PCDH7: variants seen among roughly 807,000 people sequenced by gnomAD.
PCDH7 encodes protocadherin 7, also known as protocadherin-7.
PCDH7 carries 17 observed loss-of-function variants against 58.9 expected under a neutral mutation model. The observed-to-expected ratio is 0.29, with a 90% confidence interval of 0.20 to 0.43. The LOEUF (loss-of-function observed/expected upper bound fraction) is 0.43, where lower values mean the gene tolerates loss of function less well. Ranked by LOEUF, PCDH7 falls within the 20% of genes least tolerant of loss-of-function variation. PCDH7 has a pLI of 1.00. For missense variants in PCDH7, 1,274 were observed against 1,441.0 expected (o/e 0.88, Z 1.88); for synonymous variants, 664 against 616.4 (o/e 1.08, Z -1.14).
At chr4:31,081,835 C>T (rs1217529114) in intron 3 of PCDH7, among the ~76,000 whole-genome samples, 1 of 150,702 alleles carries the variant, frequency 6.6e-6, no homozygotes, top group East Asian at 2.0e-4. Flanking sequence ...TGCAGTGGCA[C>T]TATCTTGGCT....
chr4:30,846,217 G>T lies in PCDH7; in HGVS notation c.71-73936G>T, dbSNP rs1578025953. Among the ~76,000 whole-genome samples the T allele has an allele frequency of 2.0e-5, 3 of 152,132 alleles. No homozygotes were observed. In the East Asian group the frequency reaches 5.8e-4, roughly 29 times the overall value. ...TTTGAATGTGTCCCCAAAGTTCAATGCAACAGTGTTGATAGTTGAGGCCTT... is the reference window on the plus strand; with the variant it reads ...TTTGAATGTGTCCCCAAAGTTCAATTCAACAGTGTTGATAGTTGAGGCCTT... On this transcript the variant is annotated intron_variant, in intron 1 of 3. Coordinates refer to the PCDH7 transcript ENST00000509759.
intron 3 of PCDH7, among the ~76,000 whole-genome samples, chr4:31,122,727 C>G (rs898846664): frequency 2.0e-5 from 3 of 150,908 alleles, no homozygotes; most frequent in African/African-American, 7.3e-5. Flanking sequence ...TTTAATGTCC[C>G]TTTTTTTTAA....
intron 1 of PCDH7, among the ~76,000 whole-genome samples, chr4:30,801,598 ATTATC>A (rs980418654): frequency 1.6e-4 from 25 of 152,172 alleles, no homozygotes; most frequent in African/African-American, 6.0e-4. Flanking sequence ...TATTACACAA[ATTATC>A]TTATTTAATC....
chr4:30,723,689 C>T lies in PCDH7; in HGVS notation c.2267C>T (p.Ser756Leu). The T allele has an allele frequency of 1.2e-6, 2 of 1,614,108 alleles. No individual in the cohort carries two copies. The highest frequency in any genetic ancestry group is 1.7e-6 in the Non-Finnish European group (2 of 1,179,996). ...ATTTCCTACACTTTACTGCCACCTT[C>T]GAGTAATGTCAGGACAGTAGTAGCT... Residue 756 changes from serine to leucine, a missense_variant, in exon 1 of 2, where the codon TCG (serine) becomes TTG (leucine). Transcript: ENST00000361762. This position sits in a 1 kb window ranked among gnomAD's most constrained non-coding sequence, Gnocchi z 4.6.
At chr4:30,799,907 G>A (rs1051620576) in intron 1 of PCDH7, among the ~76,000 whole-genome samples, 4 of 150,788 alleles carry the variant, frequency 2.7e-5, no homozygotes, top group African/African-American at 7.3e-5. Context: ...AGGCTGGAGT[G>A]CAATGGCGCA....
chr4:31,020,489 A>G (rs1280888372), intron 3 of PCDH7, among the ~76,000 whole-genome samples: 1 of 152,202 alleles, frequency 6.6e-6, no homozygotes, highest in Non-Finnish European at 1.5e-5. Context: ...TAGGCGAATC[A>G]AGTTCTAATT....
chr4:30,870,043 AG>A (rs1735370075), intron 1 of PCDH7, among the ~76,000 whole-genome samples: 2 of 151,988 alleles, frequency 1.3e-5, no homozygotes, highest in African/African-American at 4.8e-5. Context: ...AGTTGTGATG[AG>A]CTTTTTTTCA....
intron 1 of PCDH7, among the ~76,000 whole-genome samples, chr4:30,782,874 G>A (rs1357251586): frequency 6.6e-6 from 1 of 152,132 alleles, no homozygotes; most frequent in Admixed American, 6.5e-5. Flanking sequence ...TCTCGAATGA[G>A]GGTCTTATGA....
At chr4:30,881,082 T>C (rs1338246066) in intron 1 of PCDH7, among the ~76,000 whole-genome samples, 1 of 152,122 alleles carries the variant, frequency 6.6e-6, no homozygotes, top group Non-Finnish European at 1.5e-5. Context: ...ATCAAATTTG[T>C]TGAACAGTAT....
At chr4:30,735,344 T>G (rs1182138525), downstream of PCDH7, among the ~76,000 whole-genome samples, 1 of 152,076 alleles carries the variant, frequency 6.6e-6, no homozygotes, top group East Asian at 1.9e-4. Context: ...CAAGCAGCCA[T>G]GTTTAAAGGT....
intron 1 of PCDH7, among the ~76,000 whole-genome samples, chr4:30,850,145 A>C (rs1316452473): frequency 6.6e-6 from 1 of 152,122 alleles, no homozygotes; most frequent in Non-Finnish European, 1.5e-5. Context: ...TTACAAGTAC[A>C]ACTGAATTAC....
At chr4:30,904,795 A>AC (rs1740704721) in intron 1 of PCDH7, among the ~76,000 whole-genome samples, 1 of 152,020 alleles carries the variant, frequency 6.6e-6, no homozygotes, top group African/African-American at 2.4e-5. Flanking sequence ...AGAGGAAATA[A>AC]GTTCACCTGT....
At chr4:30,932,836 C>A (rs1206314027) in intron 2 of PCDH7, among the ~76,000 whole-genome samples, 6 of 152,108 alleles carry the variant, frequency 3.9e-5, no homozygotes, top group African/African-American at 1.4e-4. Context: ...TTACAAGATC[C>A]TAATGTCAAA....
chr4:31,031,177 G>T (rs1204278565), intron 3 of PCDH7, among the ~76,000 whole-genome samples: 1 of 152,170 alleles, frequency 6.6e-6, no homozygotes, highest in Admixed American at 6.5e-5. Context: ...CATATAAAGT[G>T]ATTAAACAGT....
chr4:30,848,154 G>A (rs556636607), intron 1 of PCDH7, among the ~76,000 whole-genome samples: 1 of 152,148 alleles, frequency 6.6e-6, no homozygotes, highest in African/African-American at 2.4e-5. Context: ...TCCCTTCTCT[G>A]GACTAACTTC....
intron 1 of PCDH7, among the ~76,000 whole-genome samples, chr4:30,883,955 C>T (rs1381774162): frequency 6.6e-6 from 1 of 152,174 alleles, no homozygotes; most frequent in Non-Finnish European, 1.5e-5. Flanking sequence ...TCTTTATTGA[C>T]AAATTGGTTC....
In PCDH7 at chr4:30,815,739, A is replaced by C. The variant is rs1029664661; in HGVS notation, c.70+91143A>C. On this transcript the variant is annotated intron_variant, in intron 1 of 3. Coordinates refer to the PCDH7 transcript ENST00000509759. ...GGAGCCCACTTACTCAACTCATGAG[A>C]TCTTATTGGGAAGCTGCTGATCACT... Among the ~76,000 whole-genome samples, 9 of 152,164 alleles carry C rather than the reference A, an allele frequency of 5.9e-5. No individual in the cohort carries two copies. The East Asian group carries it at 1.5e-3, about 26-fold the overall frequency.
chr4:30,905,065 G>GA (rs906473729), intron 1 of PCDH7, among the ~76,000 whole-genome samples: 7 of 151,350 alleles, frequency 4.6e-5, no homozygotes, highest in African/African-American at 1.5e-4. Flanking sequence ...GATAGAAAAA[G>GA]AAAAAAAAGA....
rs1044515492 is a variant in PCDH7, at chr4:30,721,302, C to T, written c.-121C>T. On this transcript the variant is annotated 5_prime_UTR_variant, in exon 1 of 2. Transcript: ENST00000361762. This position sits in a 1 kb window ranked among gnomAD's most constrained non-coding sequence, Gnocchi z 6.7. ...TTTGCCCCCTCCCTCCCCTCCCTCT[C>T]GCTCCTTCCTTTCCGGGAGAGGGGA... 4.8e-6 allele frequency: 5 copies of T among 1,044,764 alleles called. No individual in the cohort carries two copies. Among genetic ancestry groups the T allele is most frequent in the African/African-American group, 3.3e-5 (2 of 61,124 alleles). 64.7% of individuals were successfully genotyped at this position (1,044,764 alleles called of 1,614,324 possible).
Sources: gnomAD v4.1 joint callset for allele counts (sites outside exome capture counted in the v4.1 genomes callset) on GRCh38, gnomAD v4.1.1 for gene constraint, Gnocchi (gnomAD v3.1) non-coding constraint, MANE v1.5 for transcripts, NCBI Gene and HGNC (gene_info 2026-07-23, HGNC 2026-07-21) for gene names.